Variants in DUS2 observed in about 807,000 individuals in gnomAD.
The protein encoded by DUS2 is dihydrouridine synthase 2.
A neutral mutation model predicts 71.3 loss-of-function variants in DUS2; 52 were observed. That is an observed-to-expected ratio of 0.73 (90% CI 0.58 to 0.92). The LOEUF (loss-of-function observed/expected upper bound fraction) is 0.92. Ranked by LOEUF, DUS2 falls within the 40% of genes least tolerant of loss-of-function variation. DUS2 has a pLI of 0.00. For synonymous variants in DUS2, 204 were observed against 227.8 expected (o/e 0.90, Z 0.94); for missense variants, 558 against 622.6 (o/e 0.90, Z 1.10).
At position 68,076,668 on chromosome 16, in the gene DUS2, C is replaced by G; in HGVS notation, c.1119C>G (p.Cys373Trp). ...CAGCCCAGATCACCCCTAAGATGTGCCTACTAGAGTGGTGCCGGAGGGAGA... is the reference window on the plus strand; with the variant it reads ...CAGCCCAGATCACCCCTAAGATGTGGCTACTAGAGTGGTGCCGGAGGGAGA... ...AYPAQITPKM[C>W]LLEWCRREKL... The change falls in exon 15 of 17, where the codon TGC (cysteine) becomes TGG (tryptophan). Residue 373 changes from cysteine (C) to tryptophan (W), a missense_variant. Physicochemically the swap from Cys to Trp is radical, Grantham distance 215. Transcript: ENST00000565263. The G allele has an allele frequency of 6.2e-7, 1 of 1,614,106 alleles. No individual in the cohort carries two copies. The highest frequency in any genetic ancestry group is 8.5e-7 in the Non-Finnish European group (1 of 1,179,968).
Position 68,034,332 on chromosome 16 carries a change from A to G in DUS2, c.-18-3674A>G, listed in dbSNP as rs537782053. Among the ~76,000 whole-genome samples the G allele has an allele frequency of 3.3e-5, 5 of 152,090 alleles. No individual in the cohort carries two copies. In the South Asian group the frequency reaches 1.0e-3, roughly 32 times the overall value. On this transcript the variant is annotated intron_variant, in intron 2 of 16. Coordinates refer to ENST00000565263, the MANE Select transcript of DUS2 (RefSeq NM_017803.5). The stretch of plus-strand genomic sequence containing the variant: ...CTCCAACTCAAGCGATCTCCCCACC[A>G]TGGCCTCCTTAGTGCTAAGATAACT...
intron 3 of DUS2, among the ~76,000 whole-genome samples, chr16:68,041,284 AG>A (rs769369473): frequency 5.9e-5 from 9 of 152,204 alleles, no homozygotes; most frequent in Non-Finnish European, 1.2e-4. Context: ...AAGGCAAGAG[AG>A]CCGTAGTCTT....
At chr16:68,033,884 G>A (rs1021547798) in intron 2 of DUS2, among the ~76,000 whole-genome samples, 5 of 151,736 alleles carry the variant, frequency 3.3e-5, no homozygotes, top group Non-Finnish European at 4.4e-5. Context: ...CACCCACCTC[G>A]TCCTCCCAAA....
At chr16:68,069,549 C>T (rs561650472) in intron 10 of DUS2, among the ~76,000 whole-genome samples, 1 of 152,318 alleles carries the variant, frequency 6.6e-6, no homozygotes, top group African/African-American at 2.4e-5. Flanking sequence ...TTGCAGTTGA[C>T]TTTGGAAGGA....
chr16:68,042,859 C>T (rs928822717), intron 3 of DUS2, among the ~76,000 whole-genome samples: 2 of 152,018 alleles, frequency 1.3e-5, no homozygotes, highest in African/African-American at 4.8e-5. Context: ...CAGGCATGCA[C>T]CACTACACCT....
intron 7 of DUS2, among the ~76,000 whole-genome samples, chr16:68,059,804 T>TC (rs2033914710): frequency 6.6e-6 from 1 of 152,090 alleles, no homozygotes; most frequent in South Asian, 2.1e-4. Context: ...TTTTTAAAGA[T>TC]CCCCCTCCTC....
intron 10 of DUS2, among the ~76,000 whole-genome samples, chr16:68,067,448 A>G (rs1487113881): frequency 6.8e-6 from 1 of 146,026 alleles, no homozygotes; most frequent in Non-Finnish European, 1.5e-5. Flanking sequence ...TGCCCAGCTA[A>G]TTTTTATATT....
At chr16:68,058,227 C>CT (rs112592553) in intron 7 of DUS2, among the ~76,000 whole-genome samples, 20,093 of 139,494 alleles carry the variant, frequency 0.14, 1,425 homozygotes, top group South Asian at 0.2. Flanking sequence ...TATCTTTGGG[C>CT]TTTTTTTTTT....
intron 3 of DUS2, among the ~76,000 whole-genome samples, chr16:68,044,822 C>T (rs1020344110): frequency 1.3e-5 from 2 of 151,320 alleles, no homozygotes; most frequent in Admixed American, 6.6e-5. Context: ...AGGCAGAGTC[C>T]CGCTTAGTTG....
chr16:68,056,893 A>G (rs538238750), intron 7 of DUS2, among the ~76,000 whole-genome samples: 1 of 143,772 alleles, frequency 7.0e-6, no homozygotes, highest in African/African-American at 2.5e-5. Flanking sequence ...GGTATATTAT[A>G]TTACATATAT....
chr16:68,053,605 G>A lies in DUS2; in HGVS notation c.214G>A (p.Val72Ile), dbSNP rs2033810489. The change falls in exon 5 of 17, where the codon GTT becomes ATT. Residue 72 changes from valine (V) to isoleucine (I), a missense_variant. By Grantham distance (29) the Val-to-Ile change is conservative. Transcript: ENST00000565263. ...TVDFVAPDDR[V>I]VFRTCEREQN... Reference sequence around the variant, plus strand: ...GGACTTTGTCGCCCCTGATGATCGAGTTGTCTTCCGCACCTGTGAAAGAGA... The same window carrying A: ...GGACTTTGTCGCCCCTGATGATCGAATTGTCTTCCGCACCTGTGAAAGAGA... 6.2e-7 allele frequency: 1 copy of A among 1,614,226 alleles called. No individual in the cohort carries two copies. Among genetic ancestry groups the A allele is most frequent in the Non-Finnish European group, 8.5e-7 (1 of 1,180,048 alleles).
intron 8 of DUS2, among the ~76,000 whole-genome samples, chr16:68,064,197 T>C (rs2033976480): frequency 6.6e-6 from 1 of 152,214 alleles, no homozygotes; most frequent in African/African-American, 2.4e-5. Flanking sequence ...TGCTTGTAGG[T>C]AGATGTGCTG....
At chr16:68,064,421 T>A (rs1162090489) in intron 8 of DUS2, among the ~76,000 whole-genome samples, 2 of 152,144 alleles carry the variant, frequency 1.3e-5, no homozygotes, top group Non-Finnish European at 2.9e-5. Context: ...CACACAGAAA[T>A]ACTGAAGAAA....
rs749239919 is a variant in DUS2 at position 68,070,174 on chromosome 16, G to A, written c.595G>A (p.Val199Ile). Residue 199 changes from valine (V) to isoleucine (I), a missense_variant, in exon 11 of 17, where the codon GTC becomes ATC. Val to Ile is a conservative substitution (Grantham distance 29, BLOSUM62 3). Transcript: ENST00000565263. ...ACCTCAGCATCCTGTCAGCTGTGAAGTCATCAAAGCCATTGCTGATACCCT... is the reference window on the plus strand; with the variant it reads ...ACCTCAGCATCCTGTCAGCTGTGAAATCATCAAAGCCATTGCTGATACCCT... Reference protein sequence around the residue: ...ERPQHPVSCEVIKAIADTLSI... With the variant: ...ERPQHPVSCEIIKAIADTLSI... 3 of 1,614,180 alleles carry A rather than the reference G, an allele frequency of 1.9e-6. No homozygotes were observed. The highest frequency in any genetic ancestry group is 1.7e-4 in the Middle Eastern group (1 of 6,060).
At chr16:68,068,953 C>T (rs899750475) in intron 10 of DUS2, among the ~76,000 whole-genome samples, 2 of 151,942 alleles carry the variant, frequency 1.3e-5, no homozygotes, top group Admixed American at 1.3e-4. Context: ...TGGGAACACT[C>T]GGAAGACAGA....
At chr16:68,076,606 C>G in intron 14 of DUS2, 26 bp from the exon 15 acceptor site, 1 of 1,593,176 alleles carries the variant, frequency 6.3e-7, no homozygotes, top group Non-Finnish European at 8.6e-7. Flanking sequence ...GTGGGTGACC[C>G]CAACTGCTTC....
At chr16:68,075,172 T>G (rs931995580) in intron 13 of DUS2, among the ~76,000 whole-genome samples, 183 bp from the exon 14 acceptor site, 1 of 152,174 alleles carries the variant, frequency 6.6e-6, no homozygotes. Flanking sequence ...ACATTCACTT[T>G]CCATCTTCCA....
intron 10 of DUS2, among the ~76,000 whole-genome samples, chr16:68,069,159 C>T (rs571025047): frequency 9.1e-4 from 139 of 152,024 alleles, no homozygotes; most frequent in African/African-American, 3.1e-3. Context: ...GAGGCCGAGG[C>T]GGGTGGATCA....
At chr16:68,034,457 A>C (rs2033487421) in intron 2 of DUS2, among the ~76,000 whole-genome samples, 1 of 151,970 alleles carries the variant, frequency 6.6e-6, no homozygotes, top group Admixed American at 6.6e-5. Context: ...GCCTCAAGCA[A>C]TCCGCCCACC....
Sources: gnomAD v4.1 joint callset for allele counts (sites outside exome capture counted in the v4.1 genomes callset) on GRCh38, gnomAD v4.1.1 for gene constraint, MANE v1.5 for transcripts, NCBI Gene and HGNC (gene_info 2026-07-23, HGNC 2026-07-21) for gene names.